Variants in AHDC1 observed in about 807,000 individuals in gnomAD.
AHDC1 encodes AT-hook DNA binding motif containing 1, also known as transcription factor Gibbin.
A neutral mutation model predicts 87.9 loss-of-function variants in AHDC1; 7 were observed. The observed-to-expected ratio is 0.08, with a 90% CI of 0.05 to 0.15. The LOEUF (loss-of-function observed/expected upper bound fraction) is 0.15. Among genes scored for constraint, AHDC1 ranks in the 10% least tolerant of loss-of-function variants. The probability of loss-of-function intolerance (pLI) is 1.00; values close to 1 mark genes in which losing one functional copy is unlikely to be tolerated. For missense variants in AHDC1, 1,841 were observed against 2,253.2 expected, an observed-to-expected ratio of 0.82 and a Z score of 3.70; for synonymous variants, 1,051 against 1,006.8, an observed-to-expected ratio of 1.04 and a Z score of -0.83.
rs1333519695 is a variant in AHDC1, at chr1:27,541,020, A to C, written c.*44-6104T>G. 1.9e-4 allele frequency among the ~76,000 whole-genome samples: 28 copies of C among 150,832 alleles called. 1 individual carries two copies. The highest frequency in any genetic ancestry group is 6.5e-4 in the African/African-American group (27 of 41,274). On this transcript the variant is annotated intron_variant, in intron 8 of 8. Transcript: ENST00000673934. ...AAATGCTAAAAAAAAAAAAAAAAAA[A>C]AAAAAACAACAACAAAACCCAAGCA...
chr1:27,590,229 G>A lies in AHDC1; in HGVS notation c.-629+13168C>T, dbSNP rs1307131912. Among the ~76,000 whole-genome samples, 4 of 152,262 alleles carry A rather than the reference G, an allele frequency of 2.6e-5. No homozygotes were observed. Among genetic ancestry groups the A allele is most frequent in the Non-Finnish European group, 2.9e-5 (2 of 68,000 alleles). ...TTGGCAGCGCGCCTGCTGGAGACCC[G>A]CCCTCACCCGCCAGGATGCCTGGGT... On this transcript the variant is annotated intron_variant, in intron 3 of 8. Coordinates refer to ENST00000673934, the MANE Select transcript of AHDC1 (RefSeq NM_001371928.1). The surrounding 1 kb of genome is among the most constrained non-coding windows in gnomAD (Gnocchi z 5.4).
intron 3 of AHDC1, among the ~76,000 whole-genome samples, chr1:27,575,876 T>C (rs1365865234): frequency 2.2e-5 from 3 of 134,282 alleles, no homozygotes; most frequent in Non-Finnish European, 4.8e-5. Context: ...CCGGGCCCTC[T>C]GCTGCCCGCT....
At chr1:27,553,863 C>T (rs534075724) in intron 5 of AHDC1, among the ~76,000 whole-genome samples, 3 of 152,102 alleles carry the variant, frequency 2.0e-5, no homozygotes, top group Admixed American at 6.5e-5. Flanking sequence ...TCCAGGAGTT[C>T]GAGACCAGCC....
chr1:27,548,524 G>A lies in AHDC1; in HGVS notation c.3592C>T (p.Leu1198=). The change falls in exon 8 of 9, where the codon CTG becomes TTG. Residue 1198 remains leucine (L), a synonymous_variant. Coordinates refer to ENST00000673934, the MANE Select transcript of AHDC1 (RefSeq NM_001371928.1). ...ATCATCAGTTTCTCCAGGCTGGACA[G>A]GCTCGACTGGCCCTCACTACTTGAG... ...EASSSEGQSS[L]SSLEKLMMDW... is the part of the protein sequence containing the mutation. 6.2e-7 allele frequency: 1 copy of A among 1,613,772 alleles called. No individual in the cohort carries two copies. Among genetic ancestry groups the A allele is most frequent in the South Asian group, 1.1e-5 (1 of 91,088 alleles).
chr1:27,587,434 C>T (rs2089090440), intron 3 of AHDC1, among the ~76,000 whole-genome samples: 2 of 152,166 alleles, frequency 1.3e-5, no homozygotes, highest in Non-Finnish European at 2.9e-5. Context: ...CAGTTCCTGC[C>T]CTCGGCCTTG....
Position 27,549,784 on chromosome 1 carries a change from G to C in AHDC1, c.2332C>G (p.Pro778Ala). The change falls in exon 8 of 9, where the codon CCT (proline) becomes GCT (alanine). Residue 778 changes from proline to alanine, a missense_variant. Transcript: ENST00000673934. The stretch of plus-strand genomic sequence containing the variant: ...TGTCCGCCTGGGTGCCCATGGTGAG[G>C]GGCCCAGCCACCACCCTTATCCCCG... The part of the protein sequence containing the change: ...WAGDKGGGWA[P>A]HHGHPGGQAG... 1 of 1,613,340 alleles carries C rather than the reference G, an allele frequency of 6.2e-7. No individual in the cohort carries two copies. The highest frequency in any genetic ancestry group is 8.5e-7 in the Non-Finnish European group (1 of 1,179,958).
At chr1:27,591,210 C>G (rs970804461) in intron 3 of AHDC1, among the ~76,000 whole-genome samples, 1 of 152,162 alleles carries the variant, frequency 6.6e-6, no homozygotes, top group African/African-American at 2.4e-5. Flanking sequence ...GCCAACAGAC[C>G]CCTGCACCCT....
chr1:27,581,589 C>A (rs1272674780), intron 3 of AHDC1, among the ~76,000 whole-genome samples: 3 of 152,230 alleles, frequency 2.0e-5, no homozygotes, highest in African/African-American at 7.2e-5. Context: ...AGTGGTCTCT[C>A]TGATCTGACC....
At chr1:27,581,009 A>T (rs1393258419) in intron 3 of AHDC1, among the ~76,000 whole-genome samples, 2 of 152,014 alleles carry the variant, frequency 1.3e-5, no homozygotes, top group Non-Finnish European at 2.9e-5. Flanking sequence ...TAATTTTTGT[A>T]TTTTTAGTAG....
chr1:27,592,603 G>C (rs1469326960), intron 3 of AHDC1, among the ~76,000 whole-genome samples: 1 of 150,538 alleles, frequency 6.6e-6, no homozygotes, highest in Admixed American at 6.6e-5. Context: ...TCTTAGCTGA[G>C]CTGAGGCTGA....
rs937819564 is a variant in AHDC1, at chr1:27,565,102, C to T, written c.-628-6219G>A. ...CCTGCCGAGGCAGCGGCGATCTGGGCGGCTGGCAGGCATGCTCGCTCCCGC... is the reference window on the plus strand; with the variant it reads ...CCTGCCGAGGCAGCGGCGATCTGGGTGGCTGGCAGGCATGCTCGCTCCCGC... On this transcript the variant is annotated intron_variant, in intron 3 of 8. Coordinates refer to ENST00000673934, the MANE Select transcript of AHDC1 (RefSeq NM_001371928.1). This position sits in a 1 kb window ranked among gnomAD's most constrained non-coding sequence, Gnocchi z 4.6. 2.0e-5 allele frequency among the ~76,000 whole-genome samples: 3 copies of T among 152,182 alleles called. No individual in the cohort carries two copies. Among genetic ancestry groups the T allele is most frequent in the Non-Finnish European group, 4.4e-5 (3 of 68,016 alleles).
chr1:27,601,689 C>T (rs2148507647), intron 3 of AHDC1, among the ~76,000 whole-genome samples: 1 of 152,324 alleles, frequency 6.6e-6, no homozygotes, highest in Non-Finnish European at 1.5e-5. Flanking sequence ...GGGGGGTCCC[C>T]CCACAACCCA....
intron 5 of AHDC1, among the ~76,000 whole-genome samples, chr1:27,556,083 T>C (rs533032850): frequency 6.6e-6 from 1 of 152,124 alleles, no homozygotes; most frequent in Non-Finnish European, 1.5e-5. Context: ...AGCTTGCCCA[T>C]AGGGACACCA....
Position 27,541,024 on chromosome 1 carries a change from A to AAAC in AHDC1, c.*44-6111_*44-6109dup, listed in dbSNP as rs1450179763. On this transcript the variant is annotated intron_variant, in intron 8 of 8. Coordinates refer to ENST00000673934, the MANE Select transcript of AHDC1 (RefSeq NM_001371928.1). ...GCTAAAAAAAAAAAAAAAAAAAAAA[A>AAAC]AACAACAACAAAACCCAAGCACTTT... Among the ~76,000 whole-genome samples, 74 of 138,584 alleles carry AAAC rather than the reference A, an allele frequency of 5.3e-4. 1 individual carries two copies. The highest frequency in any genetic ancestry group is 4.1e-3 in the Middle Eastern group (1 of 242). The allele number at this position is 138,584 out of a possible 152,430, so 90.9% of individuals were successfully genotyped here.
chr1:27,560,053 G>A lies in AHDC1; in HGVS notation c.-628-1170C>T, dbSNP rs2148338474. Among the ~76,000 whole-genome samples the A allele has an allele frequency of 6.6e-6, 1 of 152,338 alleles. No individual in the cohort carries two copies. Among genetic ancestry groups the A allele is most frequent in the South Asian group, 2.1e-4 (1 of 4,826 alleles). The stretch of plus-strand genomic sequence containing the variant: ...TACATGTGGGCTTAAGCGTGTCCAT[G>A]TGTGGGATCACGCGTTTGCTCAGTT... On this transcript the variant is annotated intron_variant, in intron 3 of 8. Transcript: ENST00000673934. This position sits in a 1 kb window ranked among gnomAD's most constrained non-coding sequence, Gnocchi z 4.1.
At position 27,548,808 on chromosome 1, in the gene AHDC1, G is replaced by A. The variant is rs138355578; in HGVS notation, c.3308C>T (p.Ala1103Val). Residue 1103 changes from alanine (A) to valine (V), a missense_variant, in exon 8 of 9, where the codon GCG (alanine) becomes GTG (valine). Physicochemically the swap from Ala to Val is moderately conservative, Grantham distance 64. Coordinates refer to ENST00000673934, the MANE Select transcript of AHDC1 (RefSeq NM_001371928.1). ...QPSPENCRQF[A>V]GASQWPFRQG... ...CCGGAAAGGCCACTGAGAAGCCCCC[G>A]CAAACTGCCGACAGTTCTCGGGCGA... is the stretch of plus-strand genomic sequence containing the variant. The A allele has an allele frequency of 1.1e-4, 178 of 1,612,746 alleles. No homozygotes were observed. The highest frequency in any genetic ancestry group is 1.3e-4 in the Non-Finnish European group (159 of 1,179,830).
In AHDC1 at chr1:27,598,850, G is replaced by A. The variant is rs1381972176; in HGVS notation, c.-629+4547C>T. Reference sequence around the variant, plus strand: ...CAGCATCCACCGTCATGACATGAACGCAGAGACCAGCACCCTACCTTGCAC... The same window carrying A: ...CAGCATCCACCGTCATGACATGAACACAGAGACCAGCACCCTACCTTGCAC... On this transcript the variant is annotated intron_variant, in intron 3 of 8. Coordinates refer to ENST00000673934, the MANE Select transcript of AHDC1 (RefSeq NM_001371928.1). This position sits in a 1 kb window ranked among gnomAD's most constrained non-coding sequence, Gnocchi z 4.2. Among the ~76,000 whole-genome samples the A allele has an allele frequency of 3.3e-5, 5 of 152,112 alleles. No homozygotes were observed. Among genetic ancestry groups the A allele is most frequent in the African/African-American group, 7.2e-5 (3 of 41,400 alleles).
rs2020160410 is a variant in AHDC1, at chr1:27,562,957, C to T, written c.-628-4074G>A. On this transcript the variant is annotated intron_variant, in intron 3 of 8. Transcript: ENST00000673934. The surrounding 1 kb of genome is among the most constrained non-coding windows in gnomAD (Gnocchi z 4.4). Reference sequence around the variant, plus strand: ...CTAACGGGATGAACTAAGCACATAACCTGTCGCTTCCTCCAAACATGAGAT... The same window carrying T: ...CTAACGGGATGAACTAAGCACATAATCTGTCGCTTCCTCCAAACATGAGAT... Among the ~76,000 whole-genome samples the T allele has an allele frequency of 6.6e-6, 1 of 152,124 alleles. No homozygotes were observed. The highest frequency in any genetic ancestry group is 2.4e-5 in the African/African-American group (1 of 41,418).
chr1:27,573,083 G>A (rs558656890), intron 3 of AHDC1, among the ~76,000 whole-genome samples: 1 of 152,254 alleles, frequency 6.6e-6, no homozygotes, highest in East Asian at 1.9e-4. Context: ...ACCTCCACCA[G>A]TATCCCTGAA....
Sources: allele counts gnomAD v4.1 joint callset (sites outside exome capture counted in the v4.1 genomes callset), GRCh38; gene constraint gnomAD v4.1.1; non-coding constraint Gnocchi (gnomAD v3.1); transcripts MANE v1.5; gene names NCBI Gene and HGNC (gene_info 2026-07-23, HGNC 2026-07-21).